Variants in KLF12 observed in about 807,000 individuals in gnomAD.
The protein encoded by KLF12 is KLF transcription factor 12, also known as Krueppel-like factor 12.
A neutral mutation model predicts 37.8 loss-of-function variants in KLF12; 9 were observed. The ratio of observed to expected loss-of-function variants is 0.24; its 90% confidence interval spans 0.14 to 0.42. The LOEUF (loss-of-function observed/expected upper bound fraction) is 0.42. Among genes scored for constraint, KLF12 ranks in the 10% least tolerant of loss-of-function variants. KLF12 has a pLI of 1.00. For missense variants in KLF12, 411 were observed against 516.0 expected, an observed-to-expected ratio of 0.80 and a Z score of 1.97; for synonymous variants, 208 against 202.1, an observed-to-expected ratio of 1.03 and a Z score of -0.25.
rs528742927 is a variant in KLF12 at position 74,066,354 on chromosome 13, T to C, written c.-32+67385A>G. On this transcript the variant is annotated intron_variant, in intron 1 of 7. Transcript: ENST00000377669. ...AATATATCCATTACCAACTCGTAAA[T>C]ACATTATATTGAAAGAGCCTCTGTA... 3.3e-5 allele frequency among the ~76,000 whole-genome samples: 5 copies of C among 152,282 alleles called. No individual in the cohort carries two copies. The East Asian group carries it at 9.7e-4, about 29-fold the overall frequency.
intron 6 of KLF12, among the ~76,000 whole-genome samples, chr13:73,761,600 T>TTTG (rs1335438911): frequency 6.6e-6 from 1 of 152,174 alleles, no homozygotes; most frequent in Non-Finnish European, 1.5e-5. Flanking sequence ...AAACTGTCTT[T>TTTG]TTGTTGTTGT....
At chr13:73,954,288 T>TAGA (rs1890758802) in intron 2 of KLF12, among the ~76,000 whole-genome samples, 2 of 152,302 alleles carry the variant, frequency 1.3e-5, no homozygotes, top group South Asian at 4.1e-4. Context: ...CGGTTTTGTC[T>TAGA]TTTTCTAAGA....
intron 4 of KLF12, among the ~76,000 whole-genome samples, chr13:73,826,212 ATCTGCCCGCCTCGGCC>A: frequency 6.6e-6 from 1 of 151,992 alleles, no homozygotes; most frequent in African/African-American, 2.4e-5. Context: ...TGACCTCGTG[ATCTGCCCGCCTCGGCC>A]TCCCAAAGTG....
the KLF12 span, among the ~76,000 whole-genome samples, chr13:74,263,261 A>G: frequency 2.0e-5 from 3 of 152,252 alleles, no homozygotes; most frequent in African/African-American, 7.2e-5. Flanking sequence ...GAAAAATTAC[A>G]CATAGGTAGT....
At chr13:74,298,013 C>T in the KLF12 span, among the ~76,000 whole-genome samples, 6 of 152,106 alleles carry the variant, frequency 3.9e-5, no homozygotes, top group Non-Finnish European at 8.8e-5. Context: ...TCTTCTGAAT[C>T]GTTCCGACTG....
chr13:74,260,559 TAAAATAAAATAAAATA>T, the KLF12 span, among the ~76,000 whole-genome samples: 3 of 88,166 alleles, frequency 3.4e-5, no homozygotes, highest in African/African-American at 2.6e-4. Flanking sequence ...GTTTCTAAAA[TAAAATAAAATAAAATA>T]AATAAAATAA....
intron 6 of KLF12, among the ~76,000 whole-genome samples, chr13:73,731,044 T>G (rs1877021574): frequency 6.6e-6 from 1 of 152,210 alleles, no homozygotes; most frequent in Non-Finnish European, 1.5e-5. Context: ...AGCTATCTAT[T>G]GCCATCACTC....
intron 6 of KLF12, among the ~76,000 whole-genome samples, chr13:73,762,798 G>A (rs1208367565): frequency 6.6e-6 from 1 of 152,084 alleles, no homozygotes; most frequent in Non-Finnish European, 1.5e-5. Context: ...AATAACAAGT[G>A]TTTATCACTT....
At chr13:74,016,005 A>T (rs772475144) in intron 1 of KLF12, among the ~76,000 whole-genome samples, 52 of 152,164 alleles carry the variant, frequency 3.4e-4, no homozygotes, top group Non-Finnish European at 6.0e-4. Context: ...ATTGGTTTTT[A>T]AAAAAAGAGC....
chr13:73,852,571 A>G (rs1057138056), intron 3 of KLF12, among the ~76,000 whole-genome samples: 1 of 152,124 alleles, frequency 6.6e-6, no homozygotes, highest in Non-Finnish European at 1.5e-5. Flanking sequence ...ACTTGAGGTT[A>G]GGAGTTCAAG....
intron 1 of KLF12, among the ~76,000 whole-genome samples, chr13:74,003,745 A>T (rs1337644120): frequency 6.6e-6 from 1 of 152,226 alleles, no homozygotes; most frequent in Non-Finnish European, 1.5e-5. Flanking sequence ...GTGTTTCTGC[A>T]CATGTACACA....
Position 73,846,197 on chromosome 13 carries a change from T to C in KLF12, c.300A>G (p.Pro100=), listed in dbSNP as rs1594163197. The change falls in exon 4 of 8, where the codon CCA becomes CCG. Residue 100 remains proline, a synonymous_variant. Coordinates refer to ENST00000377669, the MANE Select transcript of KLF12 (RefSeq NM_007249.5). ...AGGAGGCAGATGCTGTCATGGAAAC[T>C]GGGGAGGATGAAACGGCAGTAGGGG... 3 of 1,614,082 alleles carry C rather than the reference T, an allele frequency of 1.9e-6. No homozygotes were observed. Among genetic ancestry groups the C allele is most frequent in the Non-Finnish European group, 2.5e-6 (3 of 1,179,990 alleles).
At chr13:74,138,906 C>T (rs1878632263), upstream of KLF12, among the ~76,000 whole-genome samples, 1 of 152,142 alleles carries the variant, frequency 6.6e-6, no homozygotes, top group Non-Finnish European at 1.5e-5. Flanking sequence ...ACACACCTTG[C>T]GATGATCTTC....
At chr13:73,835,255 A>G (rs1365413942) in intron 4 of KLF12, among the ~76,000 whole-genome samples, 1 of 152,132 alleles carries the variant, frequency 6.6e-6, no homozygotes, top group Non-Finnish European at 1.5e-5. Flanking sequence ...AGAAAAAATA[A>G]TTAGGGGCAT....
intron 1 of KLF12, among the ~76,000 whole-genome samples, chr13:74,120,690 A>T (rs1447332929): frequency 6.6e-6 from 1 of 152,126 alleles, no homozygotes; most frequent in African/African-American, 2.4e-5. Context: ...CACAGTAGCC[A>T]GGATGGATAG....
At position 74,125,776 on chromosome 13, in the gene KLF12, G is replaced by A. The variant is rs536481363; in HGVS notation, c.-32+7963C>T. The stretch of plus-strand genomic sequence containing the variant: ...AAACGTATTCTAGTAAACACAGTAT[G>A]TCAATATGATCTACAACAAATATAA... On this transcript the variant is annotated intron_variant, in intron 1 of 7. Transcript: ENST00000377669. Among the ~76,000 whole-genome samples, 20 of 152,290 alleles carry A rather than the reference G, an allele frequency of 1.3e-4. No homozygotes were observed. In the South Asian group the frequency reaches 3.9e-3, roughly 30 times the overall value.
At chr13:74,288,719 C>A in the KLF12 span, among the ~76,000 whole-genome samples, 2 of 152,210 alleles carry the variant, frequency 1.3e-5, no homozygotes, top group African/African-American at 4.8e-5. Flanking sequence ...CCGCTCTAGA[C>A]AACTTGTTGG....
Position 73,846,202 on chromosome 13 carries a change from A to G in KLF12, c.295T>C (p.Ser99Pro), listed in dbSNP as rs780342553. ...GCAGATGCTGTCATGGAAACTGGGG[A>G]GGATGAAACGGCAGTAGGGGACGTC... Residue 99 changes from serine (S) to proline (P), a missense_variant, in exon 4 of 8, where the codon TCC (serine) becomes CCC (proline). By Grantham distance (74) the Ser-to-Pro change is moderately conservative. Around this residue, in one of 2 missense-constraint regions of KLF12, gnomAD observed 351 missense variants for 397.8 expected, o/e 0.88. Coordinates refer to ENST00000377669, the MANE Select transcript of KLF12 (RefSeq NM_007249.5). 5 of 1,614,006 alleles carry G rather than the reference A, an allele frequency of 3.1e-6. No homozygotes were observed. In the African/African-American group the frequency reaches 6.7e-5, roughly 22 times the overall value.
intron 6 of KLF12, among the ~76,000 whole-genome samples, chr13:73,735,882 T>C (rs906855076): frequency 1.3e-4 from 19 of 151,954 alleles, no homozygotes; most frequent in African/African-American, 4.3e-4. Context: ...ATAGGCCAAC[T>C]GGGTCAAGAT....
Sources: allele counts gnomAD v4.1 joint callset (sites outside exome capture counted in the v4.1 genomes callset), GRCh38; gene constraint gnomAD v4.1.1; regional missense constraint gnomAD v4.1.1; transcripts MANE v1.5; gene names NCBI Gene and HGNC (gene_info 2026-07-23, HGNC 2026-07-21).